Variants in SSH2 observed in about 807,000 individuals in gnomAD.
SSH2 encodes the protein slingshot protein phosphatase 2.
SSH2 carries 37 observed loss-of-function variants against 135.2 expected under a neutral mutation model. That is an observed-to-expected ratio of 0.27 (90% CI 0.21 to 0.36). SSH2 has a LOEUF of 0.36. Ranked by LOEUF, SSH2 falls within the 10% of genes least tolerant of loss-of-function variation. SSH2 has a pLI of 1.00. For missense variants in SSH2, 1,408 were observed against 1,765.3 expected (o/e 0.80, Z 3.63); for synonymous variants, 628 against 646.2 (o/e 0.97, Z 0.43).
chr17:29,654,371 T>C (rs892878389), intron 12 of SSH2, among the ~76,000 whole-genome samples: 22 of 151,752 alleles, frequency 1.4e-4, no homozygotes, highest in African/African-American at 5.1e-4. Flanking sequence ...CGGAATTCTT[T>C]GTATAATCAT....
At chr17:29,633,886 T>C (rs1003265892) in intron 15 of SSH2, among the ~76,000 whole-genome samples, 7 of 152,228 alleles carry the variant, frequency 4.6e-5, no homozygotes, top group Non-Finnish European at 1.0e-4. Context: ...CTGTTCTGGT[T>C]TTTCTCCCTC....
chr17:29,765,586 C>A (rs1323085709), intron 3 of SSH2, among the ~76,000 whole-genome samples: 1 of 152,144 alleles, frequency 6.6e-6, no homozygotes, highest in Admixed American at 6.5e-5. Context: ...AAGTGGACAA[C>A]ATTAGAAAGT....
At chr17:29,759,788 C>T (rs888990642) in intron 3 of SSH2, among the ~76,000 whole-genome samples, 1 of 152,204 alleles carries the variant, frequency 6.6e-6, no homozygotes, top group African/African-American at 2.4e-5. Context: ...ACTATATGTA[C>T]ATACCACATT....
chr17:29,702,293 C>CA (rs973050387), intron 4 of SSH2, among the ~76,000 whole-genome samples: 1 of 150,712 alleles, frequency 6.6e-6, no homozygotes, highest in Non-Finnish European at 1.5e-5. Context: ...GCGGAGGTTG[C>CA]AATGAGCTGA....
intron 3 of SSH2, among the ~76,000 whole-genome samples, chr17:29,760,946 C>T (rs2041272472): frequency 6.6e-6 from 1 of 152,100 alleles, no homozygotes; most frequent in South Asian, 2.1e-4. Context: ...CCACCCCCAC[C>T]CCGGGACACT....
At chr17:29,773,019 G>A (rs906918094) in intron 3 of SSH2, among the ~76,000 whole-genome samples, 1 of 146,888 alleles carries the variant, frequency 6.8e-6, no homozygotes, top group Non-Finnish European at 1.5e-5. Context: ...TTCCCCATCT[G>A]TCCATCCATC....
At chr17:29,666,588 C>T (rs2037287213) in intron 11 of SSH2, among the ~76,000 whole-genome samples, 1 of 151,650 alleles carries the variant, frequency 6.6e-6, no homozygotes, top group African/African-American at 2.4e-5. Flanking sequence ...GAGGCTGAGG[C>T]AGGAGAATTG....
At chr17:29,861,067 GT>G (rs1262247640) in intron 1 of SSH2, among the ~76,000 whole-genome samples, 1 of 151,946 alleles carries the variant, frequency 6.6e-6, no homozygotes, top group African/African-American at 2.4e-5. Context: ...TTTAAATGGA[GT>G]TTTTTGTTTT....
rs780309445 is a variant in SSH2, at chr17:29,749,155, C to G, written c.188+44739G>C. On this transcript the variant is annotated intron_variant, in intron 3 of 15. Coordinates refer to ENST00000540801, the MANE Select transcript of SSH2 (RefSeq NM_001282129.2). ...GATCTGTGCCAGAACCTACACCACA[C>G]AGTATACTCATTTACAACACATAAG... is the stretch of plus-strand genomic sequence containing the variant. 6.6e-5 allele frequency among the ~76,000 whole-genome samples: 10 copies of G among 152,318 alleles called. No homozygotes were observed. The East Asian group carries it at 9.6e-4, about 15-fold the overall frequency.
intron 3 of SSH2, among the ~76,000 whole-genome samples, chr17:29,739,067 G>A (rs1567933926): frequency 6.6e-6 from 1 of 152,130 alleles, no homozygotes; most frequent in Non-Finnish European, 1.5e-5. Flanking sequence ...CACTATCGCA[G>A]AAGTTCTCAC....
chr17:29,784,661 G>C (rs566687734), intron 3 of SSH2, among the ~76,000 whole-genome samples: 47 of 151,794 alleles, frequency 3.1e-4, no homozygotes, highest in Middle Eastern at 3.4e-3. Context: ...ATAATGGTTG[G>C]TGATATTTAG....
chr17:29,672,187 A>G, intron 8 of SSH2, 58 bp from the exon 9 acceptor site: 1 of 1,321,792 alleles, frequency 7.6e-7, no homozygotes. Flanking sequence ...AAGGCCAATA[A>G]CCTGTGTACT....
intron 3 of SSH2, among the ~76,000 whole-genome samples, chr17:29,725,129 C>G (rs181879954): frequency 1.7e-3 from 264 of 151,220 alleles, no homozygotes; most frequent in African/African-American, 5.9e-3. Flanking sequence ...GGGCAGATCA[C>G]GAGGTTAGGA....
chr17:29,682,509 T>C (rs1170683847), intron 6 of SSH2, among the ~76,000 whole-genome samples: 1 of 152,172 alleles, frequency 6.6e-6, no homozygotes, highest in Non-Finnish European at 1.5e-5. Flanking sequence ...GTGCATGCTG[T>C]ATGCAGTGGC....
chr17:29,907,864 G>T (rs1331325501), intron 1 of SSH2, among the ~76,000 whole-genome samples: 1 of 147,238 alleles, frequency 6.8e-6, no homozygotes, highest in Admixed American at 6.9e-5. Context: ...TGTCACCCAG[G>T]ATCTGGGTTT....
intron 3 of SSH2, among the ~76,000 whole-genome samples, chr17:29,724,294 C>T (rs1292552934): frequency 6.6e-6 from 1 of 152,006 alleles, no homozygotes; most frequent in African/African-American, 2.4e-5. Flanking sequence ...TTCGGGAGGC[C>T]GAGGTGGGTG....
At chr17:29,637,178 A>G (rs2035946150) in intron 14 of SSH2, among the ~76,000 whole-genome samples, 1 of 152,176 alleles carries the variant, frequency 6.6e-6, no homozygotes, top group Admixed American at 6.5e-5. Context: ...GGCTTACTGC[A>G]ATCTCTGCCT....
At chr17:29,874,283 T>C (rs543832352) in intron 1 of SSH2, among the ~76,000 whole-genome samples, 1 of 131,540 alleles carries the variant, frequency 7.6e-6, no homozygotes, top group South Asian at 2.9e-4. Context: ...AGAGCAACAC[T>C]CTGTCTCAAA....
chr17:29,859,001 A>C (rs936432319), intron 1 of SSH2, among the ~76,000 whole-genome samples: 1 of 152,230 alleles, frequency 6.6e-6, no homozygotes, highest in Non-Finnish European at 1.5e-5. Context: ...CCTCAGAAGA[A>C]ATCAACACAT....
Sources: gnomAD v4.1 joint callset for allele counts (sites outside exome capture counted in the v4.1 genomes callset) on GRCh38, gnomAD v4.1.1 for gene constraint, MANE v1.5 for transcripts, NCBI Gene and HGNC (gene_info 2026-07-23, HGNC 2026-07-21) for gene names.